The following MAD1L1 variants were observed in gnomAD, a reference collection of about 807,000 sequenced individuals.
MAD1L1 encodes the protein mitotic spindle assembly checkpoint protein MAD1.
In MAD1L1, 95 loss-of-function variants were observed where a neutral mutation model predicts 96.9. The observed-to-expected ratio is 0.98, with a 90% CI of 0.83 to 1.16. MAD1L1 has a LOEUF of 1.16. Ranked by LOEUF, MAD1L1 falls within the 50% of genes most tolerant of loss-of-function variation. MAD1L1 has a pLI of 0.00. For synonymous variants in MAD1L1, 473 were observed against 396.6 expected, an observed-to-expected ratio of 1.19 and a Z score of -2.29; for missense variants, 1,007 against 954.4, an observed-to-expected ratio of 1.06 and a Z score of -0.73.
intron 11 of MAD1L1, among the ~76,000 whole-genome samples, chr7:2,125,708 G>C (rs762606166): frequency 1.3e-5 from 2 of 152,224 alleles, no homozygotes; most frequent in Admixed American, 6.5e-5. Context: ...CAAGCAGCAC[G>C]AGTGCTCCAG....
chr7:2,225,675 T>C (rs1277433061), intron 3 of MAD1L1, 125 bp from the exon 4 acceptor site: 3 of 1,072,702 alleles, frequency 2.8e-6, no homozygotes, highest in Non-Finnish European at 2.7e-6. Flanking sequence ...TAAGTCTTGA[T>C]GTGGCCCAGC....
chr7:2,121,171 C>T (rs780827419), intron 11 of MAD1L1, among the ~76,000 whole-genome samples: 6 of 152,242 alleles, frequency 3.9e-5, no homozygotes, highest in Non-Finnish European at 7.3e-5. Context: ...GGGCCCTTCC[C>T]GCCTGAGGCC....
intron 12 of MAD1L1, among the ~76,000 whole-genome samples, chr7:2,026,019 T>C (rs1164959562): frequency 6.6e-6 from 1 of 152,200 alleles, no homozygotes; most frequent in Non-Finnish European, 1.5e-5. Context: ...TTAGATTAAA[T>C]ATTTCGACTA....
intron 18 of MAD1L1, among the ~76,000 whole-genome samples, chr7:1,857,058 G>A (rs1443397802): frequency 6.6e-6 from 1 of 152,204 alleles, no homozygotes; most frequent in East Asian, 1.9e-4. Flanking sequence ...GAGCTGCGGG[G>A]AGCAGACTGG....
At chr7:2,056,003 A>AT (rs1460713531) in intron 12 of MAD1L1, among the ~76,000 whole-genome samples, 6 of 152,310 alleles carry the variant, frequency 3.9e-5, no homozygotes, top group South Asian at 2.1e-4. Context: ...AAATAAATAA[A>AT]AAACACAAAT....
chr7:2,152,351 C>A (rs1391584643), intron 10 of MAD1L1, among the ~76,000 whole-genome samples: 1 of 152,220 alleles, frequency 6.6e-6, no homozygotes, highest in Non-Finnish European at 1.5e-5. Flanking sequence ...ACACCTCCCA[C>A]GGGCAGAAGC....
chr7:2,127,966 A>G (rs1383340593), intron 11 of MAD1L1, among the ~76,000 whole-genome samples: 1 of 152,168 alleles, frequency 6.6e-6, no homozygotes, highest in African/African-American at 2.4e-5. Flanking sequence ...AGATTAAGAC[A>G]GTGTCCACCT....
At chr7:2,181,761 C>A (rs1480528779) in intron 10 of MAD1L1, among the ~76,000 whole-genome samples, 2 of 152,114 alleles carry the variant, frequency 1.3e-5, no homozygotes. Context: ...TGCAAAGATA[C>A]GGAACCAGCC....
intron 12 of MAD1L1, among the ~76,000 whole-genome samples, chr7:2,061,162 C>A (rs753320755): frequency 2.0e-5 from 3 of 149,222 alleles, no homozygotes; most frequent in African/African-American, 2.6e-5. Context: ...CATGGTGAGA[C>A]CCCATCTCTA....
intron 17 of MAD1L1, among the ~76,000 whole-genome samples, chr7:1,900,860 C>T (rs571211654): frequency 3.9e-5 from 6 of 152,334 alleles, no homozygotes; most frequent in Non-Finnish European, 7.4e-5. Context: ...TCCGGGGCTC[C>T]AGGCTGTGTT....
rs186392124 is a variant in MAD1L1, at chr7:1,971,447, C to T, written c.1505+9006G>A. Among the ~76,000 whole-genome samples the T allele has an allele frequency of 6.2e-3, 938 of 152,254 alleles. 8 individuals carry two copies. The highest frequency in any genetic ancestry group is 9.6e-3 in the Non-Finnish European group (654 of 68,010). On this transcript the variant is annotated intron_variant, in intron 15 of 18. Transcript: ENST00000265854. ...CTCCAAAAGGGGTTAATCAACTATA[C>T]ATTAAGACTTACAAAAACCTATAAA...
At chr7:2,155,971 T>C (rs1240942472) in intron 10 of MAD1L1, among the ~76,000 whole-genome samples, 2 of 152,194 alleles carry the variant, frequency 1.3e-5, no homozygotes, top group South Asian at 2.1e-4. Flanking sequence ...CAAGTCCTCA[T>C]AGCCATAACA....
chr7:1,974,684 T>C (rs913148926), intron 15 of MAD1L1, among the ~76,000 whole-genome samples: 50 of 152,160 alleles, frequency 3.3e-4, no homozygotes, highest in African/African-American at 1.2e-3. Context: ...AGTAACAGTT[T>C]CAGAAAGAAG....
intron 18 of MAD1L1, among the ~76,000 whole-genome samples, chr7:1,818,290 T>C (rs1361234137): frequency 6.6e-6 from 1 of 152,142 alleles, no homozygotes; most frequent in African/African-American, 2.4e-5. Flanking sequence ...GTGCAGACTC[T>C]GGCCAGGCTG....
At chr7:2,181,868 T>G (rs1791216712) in intron 10 of MAD1L1, among the ~76,000 whole-genome samples, 1 of 152,104 alleles carries the variant, frequency 6.6e-6, no homozygotes, top group African/African-American at 2.4e-5. Context: ...AATGAAATAA[T>G]GGCATTTGCA....
intron 12 of MAD1L1, among the ~76,000 whole-genome samples, chr7:2,022,970 C>A (rs1782850381): frequency 6.6e-6 from 1 of 152,200 alleles, no homozygotes; most frequent in Admixed American, 6.5e-5. Flanking sequence ...ATAAAAAGGT[C>A]ATTTCTCCAA....
intron 17 of MAD1L1, among the ~76,000 whole-genome samples, chr7:1,899,023 G>T (rs1787077251): frequency 6.6e-6 from 1 of 152,158 alleles, no homozygotes; most frequent in Admixed American, 6.5e-5. Context: ...CTGCCCCGGG[G>T]CTTTACCTGC....
intron 14 of MAD1L1, among the ~76,000 whole-genome samples, chr7:1,992,958 T>G (rs1781414313): frequency 6.6e-6 from 1 of 152,132 alleles, no homozygotes; most frequent in African/African-American, 2.4e-5. Context: ...ACACGACAAG[T>G]TTAAATCACA....
intron 17 of MAD1L1, among the ~76,000 whole-genome samples, chr7:1,919,685 G>A (rs1038183679): frequency 6.6e-6 from 1 of 152,208 alleles, no homozygotes; most frequent in South Asian, 2.1e-4. Context: ...CCTCCACAAT[G>A]ACCGTGATTG....
Sources: gnomAD v4.1 joint callset for allele counts (sites outside exome capture counted in the v4.1 genomes callset) on GRCh38, gnomAD v4.1.1 for gene constraint, MANE v1.5 for transcripts, NCBI Gene and HGNC (gene_info 2026-07-23, HGNC 2026-07-21) for gene names.